CD101: variants seen among roughly 807,000 people sequenced by gnomAD.
CD101 encodes the protein CD101 molecule.
CD101 carries 76 observed loss-of-function variants against 98.2 expected under a neutral mutation model. The ratio of observed to expected loss-of-function variants is 0.77; its 90% CI spans 0.64 to 0.94. The LOEUF (loss-of-function observed/expected upper bound fraction) is 0.94. CD101 is among the 40% of genes least tolerant of loss of function. The pLI is 0.00. For synonymous variants in CD101, 471 were observed against 472.7 expected (o/e 1.00, Z 0.05); for missense variants, 1,145 against 1,218.8 (o/e 0.94, Z 0.90).
At chr1:117,030,486 AAG>A (rs781463130) in intron 8 of CD101, among the ~76,000 whole-genome samples, 1 of 151,994 alleles carries the variant, frequency 6.6e-6, no homozygotes, top group African/African-American at 2.4e-5. Flanking sequence ...GAGAAAGAGA[AAG>A]AGAGAAAGGG....
At chr1:117,024,246 G>T (rs1653761182) in intron 7 of CD101, among the ~76,000 whole-genome samples, 3 of 152,210 alleles carry the variant, frequency 2.0e-5, no homozygotes, top group Admixed American at 1.3e-4. Flanking sequence ...GGAGGCCAAG[G>T]TGGGCGGATC....
intron 2 of CD101, 53 bp from the exon 3 acceptor site, chr1:117,011,497 C>A: frequency 6.6e-7 from 1 of 1,510,966 alleles, no homozygotes; most frequent in South Asian, 1.3e-5. Flanking sequence ...TCTAAGGAGG[C>A]CCACTGGACA....
At position 117,026,018 on chromosome 1, in the gene CD101, A is replaced by G. The variant is rs1415602213; in HGVS notation, c.2824+114A>G. ...CTTCTGAAGACAATTTTCAGACTGA[A>G]GACAATTTTCAGGTTCCCTAAAGAA... On this transcript the variant is annotated intron_variant, in intron 8 of 9. Coordinates refer to ENST00000682167, the MANE Select transcript of CD101 (RefSeq NM_001256106.3). 3.4e-6 allele frequency: 4 copies of G among 1,187,760 alleles called. No individual in the cohort carries two copies. The East Asian group carries it at 1.0e-4, about 30-fold the overall frequency. The allele number at this position is 1,187,760 out of a possible 1,614,324, so 73.6% of individuals were successfully genotyped here.
rs35135251 is a variant in CD101 at position 117,014,228 on chromosome 1, T to TGTGTGTGA, written c.1228+437_1228+438insTGTGTGAG. ...GTGTGTGTGTGTGTGTGTGTGTGTGTGATATGAATAGGTTAAGAGTAAAAA... is the reference window on the plus strand; with the variant it reads ...GTGTGTGTGTGTGTGTGTGTGTGTGTGTGTGTGAGATATGAATAGGTTAAGAGTAAAAA... On this transcript the variant is annotated intron_variant, in intron 4 of 9. Transcript: ENST00000682167. Among the ~76,000 whole-genome samples, 660 of 140,970 alleles carry TGTGTGTGA rather than the reference T, an allele frequency of 4.7e-3. 10 individuals carry two copies. Among genetic ancestry groups the TGTGTGTGA allele is most frequent in the East Asian group, 0.023 (108 of 4,760 alleles). 92.5% of individuals were successfully genotyped at this position (140,970 alleles called of 152,430 possible).
intron 4 of CD101, among the ~76,000 whole-genome samples, chr1:117,014,161 G>A (rs1185803849): frequency 6.6e-6 from 1 of 150,514 alleles, no homozygotes; most frequent in African/African-American, 2.4e-5. Flanking sequence ...CAGAGAACAT[G>A]TGTATTAATG....
rs151232840 is a variant in CD101, at chr1:117,035,831, C to T, written c.*34-337C>T. On this transcript the variant is annotated intron_variant, in intron 9 of 9. Transcript: ENST00000682167. The stretch of plus-strand genomic sequence containing the variant: ...CCTCCCAAAGTGCTGGGATTACAGG[C>T]GTGAGCCACCACGCCCGGCAGAAGA... 4.1e-3 allele frequency among the ~76,000 whole-genome samples: 631 copies of T among 152,212 alleles called. 2 individuals are homozygous for T. Among genetic ancestry groups the T allele is most frequent in the African/African-American group, 0.015 (602 of 41,512 alleles).
In CD101 at chr1:117,033,568, T is replaced by C. The variant is rs919652225; in HGVS notation, c.2825-292T>C. 3.3e-5 allele frequency among the ~76,000 whole-genome samples: 5 copies of C among 152,168 alleles called. No homozygotes were observed. Among genetic ancestry groups the C allele is most frequent in the African/African-American group, 1.2e-4 (5 of 41,422 alleles). On this transcript the variant is annotated intron_variant, in intron 8 of 9. Transcript: ENST00000682167. The surrounding 1 kb of genome is among the most constrained non-coding windows in gnomAD (Gnocchi z 4.8). The stretch of plus-strand genomic sequence containing the variant: ...AGAAAGAAGATTAAAGGAGAGGTTT[T>C]CTTTTTTGTTTTGTTTTTCATTTTG...
Position 117,018,629 on chromosome 1 carries a change from G to A in CD101, c.2017+69G>A, listed in dbSNP as rs189471724. 28 of 1,415,710 alleles carry A rather than the reference G, an allele frequency of 2.0e-5. No homozygotes were observed. Among genetic ancestry groups the A allele is most frequent in the Non-Finnish European group, 2.6e-5 (27 of 1,045,122 alleles). 87.7% of individuals were successfully genotyped at this position (1,415,710 alleles called of 1,614,324 possible). A position where few individuals can be genotyped will look rare whatever the true frequency, so the allele number is the denominator to read the frequency against. On this transcript the variant is annotated intron_variant, in intron 6 of 9. Coordinates refer to ENST00000682167, the MANE Select transcript of CD101 (RefSeq NM_001256106.3). The surrounding 1 kb of genome is among the most constrained non-coding windows in gnomAD (Gnocchi z 4.3). ...ATAGCAATCCTCCCATTTTGGGTAAGTTATAACAATAAAACATAAAATACT... is the reference window on the plus strand; with the variant it reads ...ATAGCAATCCTCCCATTTTGGGTAAATTATAACAATAAAACATAAAATACT...
rs952387766 is a variant in CD101, at chr1:117,010,337, G to A, written c.424+107G>A. ...GCTTTATATTGTTCCATTTTCTTTG[G>A]GAAAAGAGCCCATGTACCCCTGTGG... On this transcript the variant is annotated intron_variant, in intron 2 of 9. Coordinates refer to ENST00000682167, the MANE Select transcript of CD101 (RefSeq NM_001256106.3). The surrounding 1 kb of genome is among the most constrained non-coding windows in gnomAD (Gnocchi z 5.2). 8.0e-7 allele frequency: 1 copy of A among 1,253,078 alleles called. No individual in the cohort carries two copies. Among genetic ancestry groups the A allele is most frequent in the African/African-American group, 1.5e-5 (1 of 66,944 alleles). 77.6% of individuals were successfully genotyped at this position (1,253,078 alleles called of 1,614,324 possible). A position where few individuals can be genotyped will look rare whatever the true frequency, so the allele number is the denominator to read the frequency against.
At chr1:117,013,376 C>G in intron 3 of CD101, 30 bp from the exon 4 acceptor site, 1 of 1,580,256 alleles carries the variant, frequency 6.3e-7, no homozygotes, top group Non-Finnish European at 8.6e-7. Flanking sequence ...TGTGGGCTCT[C>G]TAAATACCTG....
chr1:117,005,606 T>A lies in CD101; in HGVS notation c.43+3746T>A, dbSNP rs928638621. 7.2e-5 allele frequency among the ~76,000 whole-genome samples: 11 copies of A among 152,260 alleles called. No individual in the cohort carries two copies. In the East Asian group the frequency reaches 2.1e-3, roughly 29 times the overall value. The stretch of plus-strand genomic sequence containing the variant: ...TTCCCTCTGTAAGTTTTGTTCCTTA[T>A]CCCATCCCCTAAAGAGAGAAATTCC... On this transcript the variant is annotated intron_variant, in intron 1 of 9. Transcript: ENST00000682167. The surrounding 1 kb of genome is among the most constrained non-coding windows in gnomAD (Gnocchi z 4.4).
chr1:117,021,903 G>GT lies in CD101; in HGVS notation c.2348_2349insT (p.Trp783CysfsTer30). On this transcript the variant is annotated frameshift_variant, in exon 7 of 10. Transcript: ENST00000682167. LOFTEE classifies it high-confidence loss of function. The surrounding 1 kb of genome is among the most constrained non-coding windows in gnomAD (Gnocchi z 4.7). ...AAATATCACTGTGCTGTGGAGGAATGGCTCCTGTCTACAAATGGCACTTGG... is the reference window on the plus strand; with the variant it reads ...AAATATCACTGTGCTGTGGAGGAATGTGCTCCTGTCTACAAATGGCACTTGG... 1 of 1,614,136 alleles carries GT rather than the reference G, an allele frequency of 6.2e-7. No homozygotes were observed. Among genetic ancestry groups the GT allele is most frequent in the East Asian group, 2.2e-5 (1 of 44,876 alleles).
At chr1:117,003,627 T>C (rs1652373059) in intron 1 of CD101, among the ~76,000 whole-genome samples, 1 of 152,240 alleles carries the variant, frequency 6.6e-6, no homozygotes, top group South Asian at 2.1e-4. Context: ...CAATAATTCA[T>C]AGAATTGCAA....
Position 117,017,202 on chromosome 1 carries a change from G to A in CD101, c.1341G>A (p.Trp447Ter). ...GGAESPLSVS[W>*]WHIPRDQTQP... ...CTGAAAGTCCCCTGTCTGTGAGCTGGTGGCACATCCCACGGGACCAGACAC... is the reference window on the plus strand; with the variant it reads ...CTGAAAGTCCCCTGTCTGTGAGCTGATGGCACATCCCACGGGACCAGACAC... The change falls in exon 5 of 10, where the codon TGG (tryptophan) becomes TGA (stop). Residue 447 changes from tryptophan (W) to a stop codon, truncating the protein, a stop_gained. Coordinates refer to ENST00000682167, the MANE Select transcript of CD101 (RefSeq NM_001256106.3). LOFTEE classifies it high-confidence loss of function. The A allele has an allele frequency of 1.2e-6, 2 of 1,614,222 alleles. No individual in the cohort carries two copies. Among genetic ancestry groups the A allele is most frequent in the Middle Eastern group, 1.6e-4 (1 of 6,062 alleles).
At position 117,021,880 on chromosome 1, in the gene CD101, A is replaced by G; in HGVS notation, c.2325A>G (p.Lys775=). 6.2e-7 allele frequency: 1 copy of G among 1,614,210 alleles called. No individual in the cohort carries two copies. Among genetic ancestry groups the G allele is most frequent in the Non-Finnish European group, 8.5e-7 (1 of 1,180,030 alleles). The change falls in exon 7 of 10, where the codon AAA becomes AAG. Residue 775 remains lysine (K), a synonymous_variant. Coordinates refer to ENST00000682167, the MANE Select transcript of CD101 (RefSeq NM_001256106.3). The surrounding 1 kb of genome is among the most constrained non-coding windows in gnomAD (Gnocchi z 4.7). The stretch of plus-strand genomic sequence containing the variant: ...ATGTGGAAGACAGCGATCGGGGCAA[A>G]TATCACTGTGCTGTGGAGGAATGGC... ...ILNVEDSDRG[K]YHCAVEEWLL...
rs1570725849 is a variant in CD101 at position 117,017,291 on chromosome 1, T to C, written c.1430T>C (p.Val477Ala). 6.2e-7 allele frequency: 1 copy of C among 1,614,052 alleles called. No homozygotes were observed. The change falls in exon 5 of 10, where the codon GTA (valine) becomes GCA (alanine). Residue 477 changes from valine (V) to alanine (A), a missense_variant. By Grantham distance (64) the Val-to-Ala change is moderately conservative. Transcript: ENST00000682167. ...GIVQLGASYG[V>A]PSYHGNTRLE... ...GTGCAGCTGGGTGCCTCCTATGGGG[T>C]ACCCAGTTACCATGGCAACACAAGG...
chr1:117,001,795 G>A lies in CD101; in HGVS notation c.-23G>A, dbSNP rs768868996. ...TGAATGTTAGTGACACTATTGGGAC[G>A]AAAAAGGACTGTGCTGGCCCAAATG... On this transcript the variant is annotated 5_prime_UTR_variant, in exon 1 of 10. Coordinates refer to ENST00000682167, the MANE Select transcript of CD101 (RefSeq NM_001256106.3). 7 of 1,612,744 alleles carry A rather than the reference G, an allele frequency of 4.3e-6. No homozygotes were observed. Among genetic ancestry groups the A allele is most frequent in the South Asian group, 1.1e-5 (1 of 91,018 alleles).
rs1461247170 is a variant in CD101, at chr1:117,010,232, TAAG to T, written c.424+3_424+5del. ...ACAGTGCAAAGACTAATCTAATTGG[TAAG>T]TTGCTTGTCCACTTCTGCTAGCCAG... On this transcript the variant is annotated splice_donor_5th_base_variant and intron_variant, in intron 2 of 9. Coordinates refer to ENST00000682167, the MANE Select transcript of CD101 (RefSeq NM_001256106.3). This position sits in a 1 kb window ranked among gnomAD's most constrained non-coding sequence, Gnocchi z 5.2. 1 of 1,602,416 alleles carries T rather than the reference TAAG, an allele frequency of 6.2e-7. No homozygotes were observed. Among genetic ancestry groups the T allele is most frequent in the Non-Finnish European group, 8.5e-7 (1 of 1,171,750 alleles).
Position 117,021,453 on chromosome 1 carries a change from T to G in CD101, c.2018-120T>G. ...GTATGAGCAGTGAGTGGGGCTACTG[T>G]AGAGGGAGTTCACCCATATGATGGC... On this transcript the variant is annotated intron_variant, in intron 6 of 9. Transcript: ENST00000682167. This position sits in a 1 kb window ranked among gnomAD's most constrained non-coding sequence, Gnocchi z 4.7. 4 of 777,986 alleles carry G rather than the reference T, an allele frequency of 5.1e-6. No individual in the cohort carries two copies. The highest frequency in any genetic ancestry group is 8.0e-6 in the Non-Finnish European group (4 of 499,988). 48.2% of individuals were successfully genotyped at this position (777,986 alleles called of 1,614,324 possible). A position where few individuals can be genotyped will look rare whatever the true frequency, so the allele number is the denominator to read the frequency against.
Sources: gnomAD v4.1 joint callset for allele counts (sites outside exome capture counted in the v4.1 genomes callset) on GRCh38, gnomAD v4.1.1 for gene constraint, Gnocchi (gnomAD v3.1) non-coding constraint, MANE v1.5 for transcripts, NCBI Gene and HGNC (gene_info 2026-07-23, HGNC 2026-07-21) for gene names.